Variants in DNAH14 observed in about 807,000 individuals in gnomAD.
DNAH14 encodes dynein axonemal heavy chain 14.
In DNAH14, 478 loss-of-function variants were observed where a neutral mutation model predicts 520.9. The observed-to-expected ratio is 0.92, with a 90% CI of 0.85 to 0.99. DNAH14 has a LOEUF of 0.99. DNAH14 is among the 50% of genes least tolerant of loss of function. The pLI, the probability that DNAH14 is intolerant of heterozygous loss-of-function variation, is 0.00. For missense variants in DNAH14, 4,831 were observed against 5,234.5 expected (o/e 0.92, Z 2.38); for synonymous variants, 1,581 against 1,757.2 (o/e 0.90, Z 2.51).
chr1:225,004,790 A>G (rs201814484), intron 9 of DNAH14, among the ~76,000 whole-genome samples: 1 of 152,182 alleles, frequency 6.6e-6, no homozygotes, highest in East Asian at 1.9e-4. Context: ...TAGCCCAGGG[A>G]TGCAGATGCC....
intron 10 of DNAH14, among the ~76,000 whole-genome samples, chr1:225,013,267 C>T (rs1030343554): frequency 2.0e-5 from 3 of 152,044 alleles, no homozygotes; most frequent in Non-Finnish European, 1.5e-5. Context: ...TCCACTTTAG[C>T]CCCTGTTTGC....
intron 1 of DNAH14, among the ~76,000 whole-genome samples, chr1:224,940,677 C>T (rs926085114): frequency 1.3e-5 from 2 of 151,954 alleles, no homozygotes; most frequent in African/African-American, 2.4e-5. Context: ...CCCCTTCCCC[C>T]CACCCCACAA....
At chr1:225,116,038 GTTAGA>G (rs989189169) in intron 23 of DNAH14, among the ~76,000 whole-genome samples, 1 of 152,218 alleles carries the variant, frequency 6.6e-6, no homozygotes, top group Non-Finnish European at 1.5e-5. Flanking sequence ...AGATAAAAGA[GTTAGA>G]TTAGAGAAGG....
chr1:225,138,214 A>G (rs771964668), intron 27 of DNAH14, among the ~76,000 whole-genome samples: 13 of 152,130 alleles, frequency 8.5e-5, no homozygotes, highest in Admixed American at 5.9e-4. Flanking sequence ...CCTGGCCCCA[A>G]TCTGGCAAGG....
chr1:225,076,025 T>A (rs1420924055), intron 17 of DNAH14, among the ~76,000 whole-genome samples: 1 of 65,766 alleles, frequency 1.5e-5, no homozygotes, highest in Non-Finnish European at 4.7e-5. Context: ...GTGAACCTGT[T>A]GACTGGGTCT....
intron 41 of DNAH14, among the ~76,000 whole-genome samples, chr1:225,221,735 G>T (rs1317066081): frequency 6.6e-6 from 1 of 152,146 alleles, no homozygotes; most frequent in Non-Finnish European, 1.5e-5. Flanking sequence ...AGGAGGTTTT[G>T]CAAAGCTTCA....
intron 49 of DNAH14, among the ~76,000 whole-genome samples, chr1:225,267,267 A>G (rs1410456785): frequency 6.6e-6 from 1 of 150,576 alleles, no homozygotes; most frequent in Non-Finnish European, 1.5e-5. Context: ...TTTTTGTTAC[A>G]TTGAACCTAA....
intron 36 of DNAH14, among the ~76,000 whole-genome samples, chr1:225,169,867 G>C (rs2082419411): frequency 6.6e-6 from 1 of 152,196 alleles, no homozygotes; most frequent in Non-Finnish European, 1.5e-5. Flanking sequence ...GGCAGCCAGA[G>C]AGAAAGGTCG....
At position 225,338,122 on chromosome 1, in the gene DNAH14, A is replaced by G. The variant is rs1276836459; in HGVS notation, c.10373A>G (p.Lys3458Arg). Reference protein sequence around the residue: ...KAILKKDIYQKKGHYFIRVGD... With the variant: ...KAILKKDIYQRKGHYFIRVGD... The stretch of plus-strand genomic sequence containing the variant: ...ATTCTGAAAAAGGATATCTATCAGA[A>G]AAAAGGACACTATTTCATAAGGGTT... Residue 3458 changes from lysine (K) to arginine (R), a missense_variant, in exon 68 of 86, where the codon AAA becomes AGA. Coordinates refer to ENST00000682510, the MANE Select transcript of DNAH14 (RefSeq NM_001367479.1). The G allele has an allele frequency of 3.9e-6, 6 of 1,551,838 alleles. No individual in the cohort carries two copies. In the East Asian group the frequency reaches 1.5e-4, roughly 38 times the overall value.
chr1:225,262,416 C>T (rs906299533), intron 46 of DNAH14, among the ~76,000 whole-genome samples: 4 of 151,998 alleles, frequency 2.6e-5, no homozygotes, highest in Non-Finnish European at 4.4e-5. Flanking sequence ...AATTCTTTGC[C>T]TAGGCCAATG....
At chr1:225,277,109 GA>G (rs1484520628) in intron 53 of DNAH14, among the ~76,000 whole-genome samples, 1 of 104,412 alleles carries the variant, frequency 9.6e-6, no homozygotes, top group Non-Finnish European at 2.0e-5. Context: ...GGGAAAGGGG[GA>G]GGGGGGGAGG....
At chr1:225,062,104 G>A (rs1357099612) in intron 17 of DNAH14, among the ~76,000 whole-genome samples, 2 of 151,644 alleles carry the variant, frequency 1.3e-5, no homozygotes, top group Non-Finnish European at 2.9e-5. Flanking sequence ...TTTGAGACTA[G>A]CCTGGGCAAT....
chr1:225,300,754 C>T (rs1287284220), intron 55 of DNAH14, 115 bp from the exon 56 acceptor site: 1 of 1,096,420 alleles, frequency 9.1e-7, no homozygotes, highest in South Asian at 1.6e-5. Context: ...AAAAAAATCA[C>T]TTAGCCTCAG....
chr1:225,363,842 A>G (rs1384049249), intron 75 of DNAH14, among the ~76,000 whole-genome samples: 2 of 152,218 alleles, frequency 1.3e-5, no homozygotes, highest in Non-Finnish European at 2.9e-5. Context: ...AATTACAAAG[A>G]AAAAAGTCTG....
At chr1:225,110,568 T>C (rs1374815346) in intron 23 of DNAH14, among the ~76,000 whole-genome samples, 1 of 151,856 alleles carries the variant, frequency 6.6e-6, no homozygotes, top group Non-Finnish European at 1.5e-5. Flanking sequence ...TTCTTTCTTT[T>C]TTTTTCTTAG....
At chr1:225,227,890 A>C (rs1385425812) in intron 41 of DNAH14, among the ~76,000 whole-genome samples, 1 of 152,168 alleles carries the variant, frequency 6.6e-6, no homozygotes, top group African/African-American at 2.4e-5. Flanking sequence ...TATGGGAGCT[A>C]ATATTTCCAT....
At chr1:224,970,834 T>C (rs534319517) in intron 7 of DNAH14, among the ~76,000 whole-genome samples, 9 of 152,282 alleles carry the variant, frequency 5.9e-5, no homozygotes, top group African/African-American at 2.2e-4. Flanking sequence ...TGGGTTTGCC[T>C]TTTTTTCTGT....
intron 41 of DNAH14, among the ~76,000 whole-genome samples, chr1:225,211,990 T>TA: frequency 6.6e-6 from 1 of 152,038 alleles, no homozygotes; most frequent in Non-Finnish European, 1.5e-5. Context: ...ATGTGCCTTG[T>TA]TGGTGTGCTG....
At chr1:225,104,101 G>A (rs568029610) in intron 23 of DNAH14, among the ~76,000 whole-genome samples, 22 of 152,080 alleles carry the variant, frequency 1.4e-4, no homozygotes, top group African/African-American at 3.4e-4. Flanking sequence ...TGCATGAAGC[G>A]TTGTTGAATT....
Sources: gnomAD v4.1 joint callset for allele counts (sites outside exome capture counted in the v4.1 genomes callset) on GRCh38, gnomAD v4.1.1 for gene constraint, MANE v1.5 for transcripts, NCBI Gene and HGNC (gene_info 2026-07-23, HGNC 2026-07-21) for gene names.